LRP5: variants seen among roughly 807,000 people sequenced by gnomAD.
LRP5 encodes the protein LDL receptor related protein 5.
LRP5 carries 62 observed loss-of-function variants against 154.1 expected under a neutral mutation model. The observed-to-expected ratio is 0.40, with a 90% CI of 0.33 to 0.50. The LOEUF (loss-of-function observed/expected upper bound fraction) is 0.50, where lower values mean the gene tolerates loss of function less well. LRP5 is among the 20% of genes least tolerant of loss of function. LRP5 has a pLI of 0.55. For synonymous variants in LRP5, 966 were observed against 1,011.5 expected (o/e 0.96, Z 0.85); for missense variants, 1,915 against 2,336.7 (o/e 0.82, Z 3.72).
chr11:68,404,416 G>C (rs1264139419), intron 8 of LRP5: 1 of 507,298 alleles, frequency 2.0e-6, no homozygotes, highest in Admixed American at 2.3e-5. Context: ...TGCAGTCCTG[G>C]GTGAGATGCC....
At position 68,347,998 on chromosome 11, in the gene LRP5, C is replaced by T. The variant is rs752111903; in HGVS notation, c.243C>T (p.Asp81=). The change falls in exon 2 of 23, where the codon GAC becomes GAT. Residue 81 remains aspartate (D), a synonymous_variant. Coordinates refer to ENST00000294304, the MANE Select transcript of LRP5 (RefSeq NM_002335.4). ...CCAAGGGAGCCGTGTACTGGACAGA[C>T]GTGAGCGAGGAGGCCATCAAGCAGA... The part of the protein sequence containing the change: ...QFSKGAVYWT[D]VSEEAIKQTY... The T allele has an allele frequency of 1.8e-5, 29 of 1,614,052 alleles. No individual in the cohort carries two copies. Among genetic ancestry groups the T allele is most frequent in the Non-Finnish European group, 1.9e-5 (23 of 1,180,040 alleles).
At chr11:68,369,019 G>A (rs910879895) in intron 5 of LRP5, among the ~76,000 whole-genome samples, 2 of 151,998 alleles carry the variant, frequency 1.3e-5, no homozygotes, top group African/African-American at 4.8e-5. Flanking sequence ...TGTATGTTTA[G>A]TAGAGATGGG....
At chr11:68,316,069 AC>A (rs1208511438) in intron 1 of LRP5, among the ~76,000 whole-genome samples, 2 of 151,920 alleles carry the variant, frequency 1.3e-5, no homozygotes, top group African/African-American at 4.8e-5. Context: ...CCAAAATAAA[AC>A]CCATACCCAT....
chr11:68,365,141 C>T (rs1319638032), intron 4 of LRP5, among the ~76,000 whole-genome samples: 1 of 152,198 alleles, frequency 6.6e-6, no homozygotes, highest in Non-Finnish European at 1.5e-5. Context: ...CCCGTCACTA[C>T]CACACAGGCA....
chr11:68,320,942 A>G (rs1203340058), intron 1 of LRP5, among the ~76,000 whole-genome samples: 3 of 150,740 alleles, frequency 2.0e-5, no homozygotes, highest in African/African-American at 4.9e-5. Flanking sequence ...CTTTTTCCCT[A>G]TGGCTTTTTT....
chr11:68,413,731 T>C lies in LRP5; in HGVS notation c.2546T>C (p.Phe849Ser). The change falls in exon 12 of 23, where the codon TTC becomes TCC. Residue 849 changes from phenylalanine (F) to serine (S), a missense_variant. Phe to Ser is a radical substitution (Grantham distance 155, BLOSUM62 -2). This residue lies in a region of LRP5 where 1,094 missense variants were observed against 1,210.1 expected (regional missense o/e 0.90). Coordinates refer to ENST00000294304, the MANE Select transcript of LRP5 (RefSeq NM_002335.4). The surrounding 1 kb of genome is among the most constrained non-coding windows in gnomAD (Gnocchi z 5.1). Reference sequence around the variant, plus strand: ...ATTGCCGACGATCTCCCGCACCCGTTCGGTCTGACGCAGTACAGCGATTAT... The same window carrying C: ...ATTGCCGACGATCTCCCGCACCCGTCCGGTCTGACGCAGTACAGCGATTAT... ...VVIADDLPHP[F>S]GLTQYSDYIY... 6.2e-7 allele frequency: 1 copy of C among 1,613,760 alleles called. No individual in the cohort carries two copies. Among genetic ancestry groups the C allele is most frequent in the Non-Finnish European group, 8.5e-7 (1 of 1,179,952 alleles).
intron 1 of LRP5, among the ~76,000 whole-genome samples, chr11:68,322,858 C>T (rs2098597475): frequency 1.3e-5 from 2 of 152,184 alleles, no homozygotes; most frequent in Admixed American, 1.3e-4. Flanking sequence ...AGTAAGAGCC[C>T]ATATTTCTGG....
chr11:68,317,161 G>A (rs145340441), intron 1 of LRP5, among the ~76,000 whole-genome samples: 179 of 152,330 alleles, frequency 1.2e-3, no homozygotes, highest in African/African-American at 4.1e-3. Context: ...GGGACCCACC[G>A]GCTGGCTCCG....
At chr11:68,411,408 G>T in intron 10 of LRP5, 28 bp from the exon 11 acceptor site, 1 of 1,606,618 alleles carries the variant, frequency 6.2e-7, no homozygotes. Flanking sequence ...GACTCACTGA[G>T]CCTGCCCTTC....
At position 68,320,661 on chromosome 11, in the gene LRP5, CA is replaced by C. The variant is rs1268489465; in HGVS notation, c.91+7857del. ...ATTTTTGGTAGAGACAGGGTTTCAC[CA>C]TGTTGGCCAGGCTGGTCTCGAACTC... On this transcript the variant is annotated intron_variant, in intron 1 of 22. Coordinates refer to ENST00000294304, the MANE Select transcript of LRP5 (RefSeq NM_002335.4). 2.6e-5 allele frequency among the ~76,000 whole-genome samples: 4 copies of C among 152,126 alleles called. No individual in the cohort carries two copies. In the East Asian group the frequency reaches 5.8e-4, roughly 22 times the overall value.
Position 68,353,738 on chromosome 11 carries a change from G to T in LRP5, c.489-3912G>T, listed in dbSNP as rs1174113272. ...CCAGGGTCCTTCCTCAGAGGAGGGG[G>T]TTCCTGCCCCGGCCATCATCAGGAA... On this transcript the variant is annotated intron_variant, in intron 2 of 22. Transcript: ENST00000294304. This position sits in a 1 kb window ranked among gnomAD's most constrained non-coding sequence, Gnocchi z 4.5. Among the ~76,000 whole-genome samples the T allele has an allele frequency of 6.6e-6, 1 of 152,186 alleles. No homozygotes were observed. The highest frequency in any genetic ancestry group is 1.5e-5 in the Non-Finnish European group (1 of 68,032).
chr11:68,364,018 AG>A (rs1448698543), intron 4 of LRP5, 75 bp downstream of exon 4: 2 of 77,870 alleles, frequency 2.6e-5, no homozygotes, highest in East Asian at 1.4e-3. Context: ...GGGGAGTGGG[AG>A]GATGCGGGGG....
rs1335210810 is a variant in LRP5 at position 68,442,943 on chromosome 11, C to G, written c.4488+3027C>G. 2.6e-5 allele frequency among the ~76,000 whole-genome samples: 4 copies of G among 152,100 alleles called. No homozygotes were observed. The East Asian group carries it at 7.7e-4, about 29-fold the overall frequency. The stretch of plus-strand genomic sequence containing the variant: ...ACATTCTTGGTGGCTGAACAGCACT[C>G]CTTGTCAGGCGTGGCTGGGCCCCCA... On this transcript the variant is annotated intron_variant, in intron 21 of 22. Transcript: ENST00000294304.
chr11:68,330,809 G>A (rs532584893), intron 1 of LRP5, among the ~76,000 whole-genome samples: 1 of 152,244 alleles, frequency 6.6e-6, no homozygotes, highest in African/African-American at 2.4e-5. Flanking sequence ...TCACCCTGAT[G>A]CGCATTAGCC....
intron 2 of LRP5, among the ~76,000 whole-genome samples, chr11:68,356,870 C>G (rs985034588): frequency 1.3e-5 from 2 of 152,086 alleles, no homozygotes; most frequent in Admixed American, 1.3e-4. Context: ...TTGGCTCTTT[C>G]ACCTACTAAC....
Position 68,447,374 on chromosome 11 carries a change from C to T in LRP5, c.4586+841C>T, listed in dbSNP as rs1047108904. On this transcript the variant is annotated intron_variant, in intron 22 of 22. Coordinates refer to ENST00000294304, the MANE Select transcript of LRP5 (RefSeq NM_002335.4). The surrounding 1 kb of genome is among the most constrained non-coding windows in gnomAD (Gnocchi z 4.3). ...GGGTCCCTGGAGCAGCAGGGCCTCC[C>T]GAGTGTGGTGCCGCCTGCCACCTAG... Among the ~76,000 whole-genome samples the T allele has an allele frequency of 2.6e-5, 4 of 152,206 alleles. No individual in the cohort carries two copies. The highest frequency in any genetic ancestry group is 5.9e-5 in the Non-Finnish European group (4 of 68,028).
intron 5 of LRP5, among the ~76,000 whole-genome samples, chr11:68,375,772 T>A (rs1459747817): frequency 6.6e-6 from 1 of 152,216 alleles, no homozygotes; most frequent in Admixed American, 6.5e-5. Context: ...CCCGTCTCTG[T>A]GCCACCTCTG....
chr11:68,417,399 C>T (rs569497793), intron 13 of LRP5, among the ~76,000 whole-genome samples: 4 of 142,680 alleles, frequency 2.8e-5, no homozygotes, highest in African/African-American at 1.0e-4. Context: ...AATGTGAAAC[C>T]GTGCTGTGCT....
intron 7 of LRP5, among the ~76,000 whole-genome samples, chr11:68,397,646 CCG>C (rs2098650178): frequency 6.6e-6 from 1 of 151,758 alleles, no homozygotes; most frequent in Admixed American, 6.6e-5. Flanking sequence ...GTTCCCATCA[CCG>C]TCGTCATCAT....
Sources: allele counts gnomAD v4.1 joint callset (sites outside exome capture counted in the v4.1 genomes callset), GRCh38; gene constraint gnomAD v4.1.1; regional missense constraint gnomAD v4.1.1; non-coding constraint Gnocchi (gnomAD v3.1); transcripts MANE v1.5; gene names NCBI Gene and HGNC (gene_info 2026-07-23, HGNC 2026-07-21).